Variants in LIFR observed in about 807,000 individuals in gnomAD.
LIFR encodes the protein LIF receptor subunit alpha, also known as leukemia inhibitory factor receptor.
Under a neutral mutation model 122.2 loss-of-function variants are expected in LIFR, and 84 were observed. The ratio of observed to expected loss-of-function variants is 0.69; its 90% CI spans 0.58 to 0.82. The LOEUF is 0.82. LIFR is among the 40% of genes least tolerant of loss of function. The pLI, the probability that LIFR is intolerant of heterozygous loss-of-function variation, is 0.00. For synonymous variants in LIFR, 422 were observed against 434.7 expected, an observed-to-expected ratio of 0.97 and a Z score of 0.36; for missense variants, 1,294 against 1,311.6, an observed-to-expected ratio of 0.99 and a Z score of 0.21.
chr5:38,516,301 C>T (rs72742538), intron 5 of LIFR, among the ~76,000 whole-genome samples: 1 of 152,040 alleles, frequency 6.6e-6, no homozygotes, highest in Non-Finnish European at 1.5e-5. Context: ...AAAAAAGCCT[C>T]GTCCCTATCC....
At position 38,499,508 on chromosome 5, in the gene LIFR, T is replaced by C; in HGVS notation, c.1671+5A>G. 6.4e-7 allele frequency: 1 copy of C among 1,566,578 alleles called. No homozygotes were observed. The highest frequency in any genetic ancestry group is 8.8e-7 in the Non-Finnish European group (1 of 1,136,706). ...TAAATGTTCACAGAAAAATTAGATA[T>C]TTACCTTCCAATAGATTATTAAATT... On this transcript the variant is annotated splice_donor_5th_base_variant and intron_variant, in intron 12 of 19. Coordinates refer to ENST00000453190, the MANE Select transcript of LIFR (RefSeq NM_001127671.2).
At chr5:38,504,215 G>A (rs1359939990) in intron 9 of LIFR, 94 bp from the exon 10 acceptor site, 15 of 881,652 alleles carry the variant, frequency 1.7e-5, no homozygotes, top group African/African-American at 1.7e-5. Flanking sequence ...AAAACAACGA[G>A]GCATCATTAG....
intron 1 of LIFR, among the ~76,000 whole-genome samples, chr5:38,540,665 G>A (rs1221243439): frequency 6.6e-6 from 1 of 152,102 alleles, no homozygotes; most frequent in African/African-American, 2.4e-5. Context: ...TACAGCCACA[G>A]ATCTTCCAGT....
At chr5:38,540,029 C>T (rs1405522782) in intron 1 of LIFR, among the ~76,000 whole-genome samples, 1 of 152,138 alleles carries the variant, frequency 6.6e-6, no homozygotes, top group African/African-American at 2.4e-5. Flanking sequence ...CTGTAGCCAA[C>T]TCTGACTGCA....
chr5:38,551,547 G>A (rs1040896336), intron 1 of LIFR, among the ~76,000 whole-genome samples: 1 of 152,204 alleles, frequency 6.6e-6, no homozygotes, highest in Non-Finnish European at 1.5e-5. Flanking sequence ...AGAAGGTATT[G>A]CAAGAGGCCT....
intron 1 of LIFR, among the ~76,000 whole-genome samples, chr5:38,594,006 G>C (rs1045079377): frequency 1.3e-5 from 2 of 152,134 alleles, no homozygotes; most frequent in Non-Finnish European, 2.9e-5. Context: ...ACCAGGAAAA[G>C]TATATGCTAG....
chr5:38,586,292 C>T (rs909084017), intron 1 of LIFR, among the ~76,000 whole-genome samples: 7 of 152,132 alleles, frequency 4.6e-5, no homozygotes, highest in Non-Finnish European at 1.0e-4. Flanking sequence ...GACAAACTGT[C>T]CTACCTATGT....
chr5:38,510,769 T>C (rs1439962174), intron 6 of LIFR, 51 bp from the exon 7 acceptor site: 1 of 1,487,070 alleles, frequency 6.7e-7, no homozygotes, highest in Non-Finnish European at 9.3e-7. Context: ...GTATTTTACA[T>C]AAACTTTTCT....
Position 38,493,667 on chromosome 5 carries a change from T to C in LIFR, c.2004A>G (p.Glu668=). ...CTTTTCTCCAGTCCATAAGGCATGG[T>C]TCCGACCGAGACGAGTTACACCACT... is the stretch of plus-strand genomic sequence containing the variant. ...VIKWCNSSRS[E]PCLMDWRKVP... Residue 668 remains glutamate (E), a synonymous_variant, in exon 14 of 20, where the codon GAA becomes GAG. Coordinates refer to ENST00000453190, the MANE Select transcript of LIFR (RefSeq NM_001127671.2). 1 of 1,614,212 alleles carries C rather than the reference T, an allele frequency of 6.2e-7. No individual in the cohort carries two copies. Among genetic ancestry groups the C allele is most frequent in the Non-Finnish European group, 8.5e-7 (1 of 1,180,036 alleles).
chr5:38,577,656 T>C (rs1319543902), intron 1 of LIFR, among the ~76,000 whole-genome samples: 1 of 152,214 alleles, frequency 6.6e-6, no homozygotes, highest in East Asian at 1.9e-4. Flanking sequence ...ACGTTTTAGC[T>C]CTGTAACCAA....
At chr5:38,499,294 C>T (rs574327799) in intron 12 of LIFR, among the ~76,000 whole-genome samples, 4 of 152,208 alleles carry the variant, frequency 2.6e-5, no homozygotes, top group East Asian at 3.9e-4. Flanking sequence ...AGATCAAACT[C>T]GAGAAGGCTC....
chr5:38,499,703 C>A, intron 11 of LIFR, 120 bp from the exon 12 acceptor site: 1 of 746,150 alleles, frequency 1.3e-6, no homozygotes, highest in South Asian at 1.5e-5. Flanking sequence ...TCAGTGGCTT[C>A]CACTTAGAAA....
chr5:38,573,234 A>G (rs1474808203), intron 1 of LIFR, among the ~76,000 whole-genome samples: 1 of 152,256 alleles, frequency 6.6e-6, no homozygotes, highest in East Asian at 1.9e-4. Context: ...AGTAGCCATT[A>G]GGAGCTTTTG....
intron 1 of LIFR, among the ~76,000 whole-genome samples, chr5:38,589,772 C>A (rs557348580): frequency 4.6e-5 from 7 of 150,766 alleles, no homozygotes; most frequent in African/African-American, 1.7e-4. Flanking sequence ...TCTTTGTCCT[C>A]GAGCAGAAAG....
intron 1 of LIFR, among the ~76,000 whole-genome samples, chr5:38,590,870 AT>A (rs1749901484): frequency 6.6e-6 from 1 of 152,226 alleles, no homozygotes; most frequent in African/African-American, 2.4e-5. Context: ...TACACATTTC[AT>A]TCAAAAGATT....
chr5:38,589,636 C>A (rs75502225), intron 1 of LIFR, among the ~76,000 whole-genome samples: 1 of 151,620 alleles, frequency 6.6e-6, no homozygotes, highest in African/African-American at 2.4e-5. Context: ...ATGGAAAGTA[C>A]GGAAATGGGA....
At chr5:38,520,134 G>C (rs559272366) in intron 5 of LIFR, among the ~76,000 whole-genome samples, 1 of 151,742 alleles carries the variant, frequency 6.6e-6, no homozygotes, top group Non-Finnish European at 1.5e-5. Flanking sequence ...CAATATATAA[G>C]TTTTTTTTGT....
At chr5:38,502,280 G>A (rs1411439778) in intron 11 of LIFR, among the ~76,000 whole-genome samples, 2 of 151,228 alleles carry the variant, frequency 1.3e-5, no homozygotes, top group Non-Finnish European at 2.9e-5. Flanking sequence ...ATTTAGAGAC[G>A]GAGTTTCACT....
chr5:38,538,610 C>T (rs1303564161), intron 1 of LIFR, among the ~76,000 whole-genome samples: 2 of 152,152 alleles, frequency 1.3e-5, no homozygotes, highest in Admixed American at 1.3e-4. Context: ...CTTCCTCACA[C>T]CTCCCACCTG....
Sources: allele counts gnomAD v4.1 joint callset (sites outside exome capture counted in the v4.1 genomes callset), GRCh38; gene constraint gnomAD v4.1.1; transcripts MANE v1.5; gene names NCBI Gene and HGNC (gene_info 2026-07-23, HGNC 2026-07-21).